CSNK1A1L: variants seen among roughly 807,000 people sequenced by gnomAD.
The protein encoded by CSNK1A1L is casein kinase I isoform alpha-like.
CSNK1A1L carries 20 observed loss-of-function variants against 24.6 expected under a neutral mutation model. That is an observed-to-expected ratio of 0.81 (90% confidence interval 0.57 to 1.18). The LOEUF is 1.18. Among genes scored for constraint, CSNK1A1L ranks in the 50% most tolerant of loss-of-function variants. CSNK1A1L has a pLI of 0.00. For missense variants in CSNK1A1L, 414 were observed against 419.0 expected (o/e 0.99, Z 0.10); for synonymous variants, 152 against 154.0 (o/e 0.99, Z 0.09).
the CSNK1A1L span, chr13:37,104,854 G>A: frequency 1.4e-5 from 23 of 1,613,770 alleles, no homozygotes; most frequent in Admixed American, 1.0e-4. Context: ...TTAATGTCTC[G>A]GTGTAGAAAA....
rs539426731 is a variant in CSNK1A1L, at chr13:37,104,081, G to C, written c.*162C>G. 2.4e-6 allele frequency: 2 copies of C among 826,336 alleles called. No individual in the cohort carries two copies. Among genetic ancestry groups the C allele is most frequent in the African/African-American group, 1.7e-5 (1 of 58,082 alleles). The allele number at this position is 826,336 out of a possible 1,614,324, so 51.2% of individuals were successfully genotyped here. A position where few individuals can be genotyped will look rare whatever the true frequency, so the allele number is the denominator to read the frequency against. On this transcript the variant is annotated 3_prime_UTR_variant, in exon 1 of 1. Transcript: ENST00000379800. ...CACTTTGGGATACAGCATCACCAAC[G>C]CTCCCCAGAGTCAGTTTATATTGAA...
Position 37,104,967 on chromosome 13 carries a change from A to C in CSNK1A1L, c.290T>G (p.Leu97Arg), listed in dbSNP as rs2070768363. The change falls in exon 1 of 1, where the codon CTC becomes CGC. Residue 97 changes from leucine (L) to arginine (R), a missense_variant. By Grantham distance (102) the Leu-to-Arg change is moderately radical (BLOSUM62 -2). Coordinates refer to ENST00000379800, the MANE Select transcript of CSNK1A1L (RefSeq NM_145203.6). ...TGAACAGAAATTAAAGAGGTCTTCG[A>C]GGCTGGGTCCCAGAAGGTCCATGAC... ...VLVMDLLGPS[L>R]EDLFNFCSRR... 6.2e-7 allele frequency: 1 copy of C among 1,614,010 alleles called. No individual in the cohort carries two copies. The highest frequency in any genetic ancestry group is 1.3e-5 in the African/African-American group (1 of 74,898).
chr13:37,104,128 A>G lies in CSNK1A1L; in HGVS notation c.*115T>C. 7.2e-7 allele frequency: 1 copy of G among 1,386,524 alleles called. No individual in the cohort carries two copies. Among genetic ancestry groups the G allele is most frequent in the Non-Finnish European group, 1.0e-6 (1 of 997,602 alleles). 85.9% of individuals were successfully genotyped at this position (1,386,524 alleles called of 1,614,324 possible). ...TGAAATAAAGTTTTTTACACCAACT[A>G]AATGGTTGTTCACAGCCACTAGCTG... On this transcript the variant is annotated 3_prime_UTR_variant, in exon 1 of 1. Coordinates refer to ENST00000379800, the MANE Select transcript of CSNK1A1L (RefSeq NM_145203.6).
chr13:37,104,835 T>C lies in CSNK1A1L; in HGVS notation c.422A>G (p.Asn141Ser). The change falls in exon 1 of 1, where the codon AAC (asparagine) becomes AGC (serine). Residue 141 changes from asparagine (N) to serine (S), a missense_variant. Physicochemically the swap from Asn to Ser is conservative, Grantham distance 46. Transcript: ENST00000379800. ...GTGACGCCCAGTACCCATCAGGAAG[T>C]TATCTGGTTTAATGTCTCGGTGTAG... The part of the protein sequence containing the change: ...NFLHRDIKPD[N>S]FLMGTGRHCN... 1 of 1,613,964 alleles carries C rather than the reference T, an allele frequency of 6.2e-7. No homozygotes were observed. The highest frequency in any genetic ancestry group is 8.5e-7 in the Non-Finnish European group (1 of 1,179,970).
At chr13:37,104,725 CT>C in the CSNK1A1L span, 2 of 1,614,062 alleles carry the variant, frequency 1.2e-6, no homozygotes, top group Non-Finnish European at 1.7e-6. Flanking sequence ...AGGTGTTTAT[CT>C]TCTCTGTACG....
the CSNK1A1L span, chr13:37,104,524 CAG>C: frequency 9.9e-6 from 16 of 1,614,214 alleles, no homozygotes; most frequent in East Asian, 3.3e-4. Flanking sequence ...AAAACTTCAA[CAG>C]GGGTGGACAT....
rs1455612174 is a variant in CSNK1A1L, at chr13:37,104,185, G to A, written c.*58C>T. 8.7e-6 allele frequency: 14 copies of A among 1,605,506 alleles called. No individual in the cohort carries two copies. Among genetic ancestry groups the A allele is most frequent in the Non-Finnish European group, 1.1e-5 (13 of 1,172,898 alleles). ...ATATGAACTACAATTTCTAGATGTG[G>A]GGAGAAACAAATGCTGCTCGAATCA... On this transcript the variant is annotated 3_prime_UTR_variant, in exon 1 of 1. Coordinates refer to ENST00000379800, the MANE Select transcript of CSNK1A1L (RefSeq NM_145203.6).
chr13:37,105,446 C>T lies in CSNK1A1L; in HGVS notation c.-190G>A. On this transcript the variant is annotated 5_prime_UTR_variant, in exon 1 of 1. The change creates a new upstream start codon in the 5' untranslated region. Coordinates refer to ENST00000379800, the MANE Select transcript of CSNK1A1L (RefSeq NM_145203.6). Reference sequence around the variant, plus strand: ...GCACACCAGGATTTCCGCCAGGCCACAGTTTGCGAGGGTTTCTCAAGGTTC... The same window carrying T: ...GCACACCAGGATTTCCGCCAGGCCATAGTTTGCGAGGGTTTCTCAAGGTTC... The T allele has an allele frequency of 1.7e-6, 1 of 601,022 alleles. No homozygotes were observed. Among genetic ancestry groups the T allele is most frequent in the Non-Finnish European group, 2.9e-6 (1 of 341,666 alleles). 37.2% of individuals were successfully genotyped at this position (601,022 alleles called of 1,614,324 possible).
rs1057479795 is a variant in CSNK1A1L, at chr13:37,105,329, C to A, written c.-73G>T. The A allele has an allele frequency of 3.3e-6, 5 of 1,510,112 alleles. No individual in the cohort carries two copies. In the African/African-American group the frequency reaches 5.6e-5, roughly 17 times the overall value. The allele number at this position is 1,510,112 out of a possible 1,614,324, so 93.5% of individuals were successfully genotyped here. A position where few individuals can be genotyped will look rare whatever the true frequency, so the allele number is the denominator to read the frequency against. ...GGAGGATGGAGGCCTCCGGGGCCCA[C>A]CGGCCCGCAAGGCTGAGGATGAGGG... On this transcript the variant is annotated 5_prime_UTR_variant, in exon 1 of 1. Coordinates refer to ENST00000379800, the MANE Select transcript of CSNK1A1L (RefSeq NM_145203.6).
Position 37,105,147 on chromosome 13 carries a change from G to A in CSNK1A1L, c.110C>T (p.Thr37Ile). 1 of 1,614,112 alleles carries A rather than the reference G, an allele frequency of 6.2e-7. No individual in the cohort carries two copies. The highest frequency in any genetic ancestry group is 1.1e-5 in the South Asian group (1 of 91,080). The change falls in exon 1 of 1, where the codon ACC (threonine) becomes ATC (isoleucine). Residue 37 changes from threonine (T) to isoleucine (I), a missense_variant. Physicochemically the swap from Thr to Ile is moderately conservative, Grantham distance 89. Coordinates refer to ENST00000379800, the MANE Select transcript of CSNK1A1L (RefSeq NM_145203.6). ...SFGDVYLGIT[T>I]TNGEDVAVKL... ...CACTGCTACGTCCTCGCCGTTGGTG[G>A]TGGTGATGCCCAGATAAACGTCTCC... is the stretch of plus-strand genomic sequence containing the variant.
rs1033899299 is a variant in CSNK1A1L at position 37,105,385 on chromosome 13, G to A, written c.-129C>T. 6.2e-6 allele frequency: 6 copies of A among 969,726 alleles called. No individual in the cohort carries two copies. The highest frequency in any genetic ancestry group is 2.6e-5 in the Admixed American group (1 of 38,938). The allele number at this position is 969,726 out of a possible 1,614,324, so 60.1% of individuals were successfully genotyped here. On this transcript the variant is annotated 5_prime_UTR_variant, in exon 1 of 1. Coordinates refer to ENST00000379800, the MANE Select transcript of CSNK1A1L (RefSeq NM_145203.6). Reference sequence around the variant, plus strand: ...GGAAATGGCCACCGAGGCGTTTCCCGGTGTTACAGGGCGTGGAGTCAGCCT... The same window carrying A: ...GGAAATGGCCACCGAGGCGTTTCCCAGTGTTACAGGGCGTGGAGTCAGCCT...
In CSNK1A1L at chr13:37,104,204, C is replaced by T. The variant is rs372797896; in HGVS notation, c.*39G>A. On this transcript the variant is annotated 3_prime_UTR_variant, in exon 1 of 1. Transcript: ENST00000379800. Reference sequence around the variant, plus strand: ...GATGTGGGGAGAAACAAATGCTGCTCGAATCATCTGCTCTGCTTCTTCTGT... The same window carrying T: ...GATGTGGGGAGAAACAAATGCTGCTTGAATCATCTGCTCTGCTTCTTCTGT... The T allele has an allele frequency of 2.7e-5, 44 of 1,612,776 alleles. No homozygotes were observed. Among genetic ancestry groups the T allele is most frequent in the Middle Eastern group, 1.6e-4 (1 of 6,074 alleles).
chr13:37,104,586 A>C lies in CSNK1A1L; in HGVS notation c.671T>G (p.Leu224Arg). Residue 224 changes from leucine (L) to arginine (R), a missense_variant, in exon 1 of 1, where the codon CTA becomes CGA. Coordinates refer to ENST00000379800, the MANE Select transcript of CSNK1A1L (RefSeq NM_145203.6). Reference sequence around the variant, plus strand: ...TTTTTGTTTTTTTGTCATAGCCCTTAGTCCTTGCCACGGCAGGCTGGTTCT... The same window carrying C: ...TTTTTGTTTTTTTGTCATAGCCCTTCGTCCTTGCCACGGCAGGCTGGTTCT... ...FNRTSLPWQG[L>R]RAMTKKQKYE... 6.2e-7 allele frequency: 1 copy of C among 1,614,160 alleles called. No homozygotes were observed.
chr13:37,104,449 C>A, the CSNK1A1L span: 2 of 1,614,180 alleles, frequency 1.2e-6, no homozygotes, highest in Non-Finnish European at 1.7e-6. Context: ...TCTGGGACTT[C>A]CTCAAAGCGC....
rs1465284129 is a variant in CSNK1A1L at position 37,105,535 on chromosome 13, G to T, written c.-279C>A. The T allele has an allele frequency of 3.6e-5, 15 of 413,138 alleles. No homozygotes were observed. Among genetic ancestry groups the T allele is most frequent in the Admixed American group, 1.2e-4 (3 of 24,308 alleles). The allele number at this position is 413,138 out of a possible 1,614,324, so 25.6% of individuals were successfully genotyped here. ...GCCTCGCTGTCGTGGCGATGTCGTG[G>T]GCTGAGAAAGGGGGCACAGCGAGTT... On this transcript the variant is annotated 5_prime_UTR_variant, in exon 1 of 1. Transcript: ENST00000379800.
the CSNK1A1L span, chr13:37,105,080 A>T: frequency 6.2e-7 from 1 of 1,614,128 alleles, no homozygotes; most frequent in Non-Finnish European, 8.5e-7. Context: ...GTTTGCTCTC[A>T]TACAGCAACT....
chr13:37,104,590 C>A, the CSNK1A1L span: 125 of 1,614,138 alleles, frequency 7.7e-5, no homozygotes, highest in African/African-American at 1.5e-3. Context: ...GCCCTTAGTC[C>A]TTGCCACGGC....
Position 37,105,385 on chromosome 13 carries a change from G to C in CSNK1A1L, c.-129C>G. ...GGAAATGGCCACCGAGGCGTTTCCCGGTGTTACAGGGCGTGGAGTCAGCCT... is the reference window on the plus strand; with the variant it reads ...GGAAATGGCCACCGAGGCGTTTCCCCGTGTTACAGGGCGTGGAGTCAGCCT... On this transcript the variant is annotated 5_prime_UTR_variant, in exon 1 of 1. Coordinates refer to ENST00000379800, the MANE Select transcript of CSNK1A1L (RefSeq NM_145203.6). 1.0e-6 allele frequency: 1 copy of C among 969,730 alleles called. No individual in the cohort carries two copies. The highest frequency in any genetic ancestry group is 1.5e-6 in the Non-Finnish European group (1 of 646,038). The allele number at this position is 969,730 out of a possible 1,614,324, so 60.1% of individuals were successfully genotyped here. A position where few individuals can be genotyped will look rare whatever the true frequency, so the allele number is the denominator to read the frequency against.
Position 37,104,257 on chromosome 13 carries a change from C to G in CSNK1A1L, c.1000G>C (p.Val334Leu), listed in dbSNP as rs149364672. The change falls in exon 1 of 1, where the codon GTG becomes CTG. Residue 334 changes from valine to leucine, a missense_variant. Coordinates refer to ENST00000379800, the MANE Select transcript of CSNK1A1L (RefSeq NM_145203.6). ...GKQTEKNKNN[V>L]KDN ...CTCATTCACGCTTAGTTATCTTTCA[C>G]ATTATTCTTGTTTTTTTCAGTTTGC... 2.3e-4 allele frequency: 370 copies of G among 1,614,214 alleles called. 1 individual carries two copies. In the African/African-American group the frequency reaches 2.5e-3, roughly 11 times the overall value.
Sources: gnomAD v4.1 joint callset for allele counts on GRCh38, gnomAD v4.1.1 for gene constraint, MANE v1.5 for transcripts, NCBI Gene and HGNC (gene_info 2026-07-23, HGNC 2026-07-21) for gene names.